TMEM156: variants seen among roughly 807,000 people sequenced by gnomAD.
TMEM156 encodes transmembrane protein 156.
Under a neutral mutation model 30.5 loss-of-function variants are expected in TMEM156, and 28 were observed. The ratio of observed to expected loss-of-function variants is 0.92; its 90% CI spans 0.68 to 1.26. TMEM156 has a LOEUF of 1.26. TMEM156 is among the 50% of genes most tolerant of loss of function. The pLI is 0.00. For missense variants in TMEM156, 351 were observed against 340.6 expected, an observed-to-expected ratio of 1.03 and a Z score of -0.24; for synonymous variants, 137 against 119.9, an observed-to-expected ratio of 1.14 and a Z score of -0.93.
intron 4 of TMEM156, among the ~76,000 whole-genome samples, chr4:38,986,807 C>CAAAAAAAAA (rs59087758): frequency 1.7e-4 from 4 of 23,746 alleles, no homozygotes; most frequent in African/African-American, 4.1e-4. Flanking sequence ...GACTCCATCT[C>CAAAAAAAAA]AAAAAAAAAA....
intron 6 of TMEM156, 37 bp downstream of exon 6, chr4:38,970,995 A>G: frequency 1.5e-6 from 2 of 1,325,306 alleles, no homozygotes; most frequent in Non-Finnish European, 2.2e-6. Flanking sequence ...ATCTGTGTTT[A>G]TAATGAAGAA....
chr4:38,990,029 G>A lies in TMEM156; in HGVS notation c.620-1059C>T, dbSNP rs564977374. Among the ~76,000 whole-genome samples the A allele has an allele frequency of 7.9e-5, 12 of 152,158 alleles. No individual in the cohort carries two copies. The South Asian group carries it at 2.1e-3, about 26-fold the overall frequency. On this transcript the variant is annotated intron_variant, in intron 3 of 6. Transcript: ENST00000381938. ...AGGCTAGTCTTGAACTCCTGGCCTC[G>A]GGCAATCCACCCGCCTCGGCCTCCC...
intron 2 of TMEM156, 113 bp downstream of exon 2, chr4:38,998,527 G>C (rs1302843846): frequency 3.0e-6 from 3 of 988,330 alleles, no homozygotes; most frequent in Non-Finnish European, 4.0e-6. Flanking sequence ...CTGGGCAACA[G>C]AGCGAGACTC....
intron 2 of TMEM156, among the ~76,000 whole-genome samples, chr4:38,995,062 C>T (rs1712834601): frequency 6.6e-6 from 1 of 152,190 alleles, no homozygotes; most frequent in Non-Finnish European, 1.5e-5. Flanking sequence ...TGGTGGTTTG[C>T]TGATAACCTT....
At chr4:38,999,110 A>ATTTTTT (rs34889728) in intron 1 of TMEM156, among the ~76,000 whole-genome samples, 3 of 106,102 alleles carry the variant, frequency 2.8e-5, no homozygotes, top group Non-Finnish European at 5.8e-5. Flanking sequence ...TTATTTATTT[A>ATTTTTT]TTTTTTTTTT....
chr4:38,982,700 C>A (rs1315933750), intron 5 of TMEM156, among the ~76,000 whole-genome samples: 1 of 152,180 alleles, frequency 6.6e-6, no homozygotes, highest in Non-Finnish European at 1.5e-5. Context: ...GAATAACTAT[C>A]ATTTAACTAT....
At chr4:39,012,347 T>C (rs1714182428) in intron 1 of TMEM156, among the ~76,000 whole-genome samples, 1 of 152,160 alleles carries the variant, frequency 6.6e-6, no homozygotes, top group African/African-American at 2.4e-5. Context: ...AGTCTATCTG[T>C]CTCAGACCAA....
chr4:38,994,751 C>G (rs1712802349), intron 2 of TMEM156, among the ~76,000 whole-genome samples: 2 of 152,116 alleles, frequency 1.3e-5, no homozygotes, highest in Non-Finnish European at 1.5e-5. Flanking sequence ...GGTTCGAGAC[C>G]AGCCTGGCCA....
At chr4:39,005,462 T>C (rs1483737436) in intron 1 of TMEM156, among the ~76,000 whole-genome samples, 1 of 152,198 alleles carries the variant, frequency 6.6e-6, no homozygotes, top group African/African-American at 2.4e-5. Flanking sequence ...CCTTCCACCA[T>C]GACTGTAAGT....
At chr4:39,029,077 G>A (rs1340754959) in intron 1 of TMEM156, among the ~76,000 whole-genome samples, 1 of 151,998 alleles carries the variant, frequency 6.6e-6, no homozygotes, top group Non-Finnish European at 1.5e-5. Context: ...TATCAAACAA[G>A]TTGCTTTATT....
intron 1 of TMEM156, among the ~76,000 whole-genome samples, chr4:39,015,399 A>G (rs1245334784): frequency 6.6e-6 from 1 of 152,218 alleles, no homozygotes; most frequent in African/African-American, 2.4e-5. Flanking sequence ...AGAAGAGTCA[A>G]TGTCAGAGTG....
At chr4:39,001,090 A>C (rs1056716881) in intron 1 of TMEM156, among the ~76,000 whole-genome samples, 3 of 151,880 alleles carry the variant, frequency 2.0e-5, no homozygotes, top group African/African-American at 7.3e-5. Flanking sequence ...TCCCAGTCTG[A>C]TAGTCTTTTG....
chr4:38,977,608 T>C (rs1358106435), intron 5 of TMEM156, among the ~76,000 whole-genome samples: 1 of 152,226 alleles, frequency 6.6e-6, no homozygotes, highest in African/African-American at 2.4e-5. Context: ...TTTCAAATAA[T>C]ATTAATTCAC....
chr4:38,971,580 T>TTAAAAA (rs1722596991), intron 5 of TMEM156, among the ~76,000 whole-genome samples: 1 of 152,240 alleles, frequency 6.6e-6, no homozygotes, highest in African/African-American at 2.4e-5. Flanking sequence ...TGCTCATGAC[T>TTAAAAA]GTATGACTTT....
rs1022596613 is a variant in TMEM156 at position 39,007,040 on chromosome 4, T to C, written c.89-8131A>G. Among the ~76,000 whole-genome samples the C allele has an allele frequency of 2.6e-5, 4 of 152,306 alleles. No homozygotes were observed. In the South Asian group the frequency reaches 8.3e-4, roughly 32 times the overall value. ...TTTCTTTATGTATAACCAATTACAC[T>C]AGCATTTATTGAGTAGTCTATCTTT... is the stretch of plus-strand genomic sequence containing the variant. On this transcript the variant is annotated intron_variant, in intron 1 of 6. Coordinates refer to ENST00000381938, the MANE Select transcript of TMEM156 (RefSeq NM_024943.3).
chr4:38,998,825 A>G lies in TMEM156; in HGVS notation c.173T>C (p.Val58Ala). The change falls in exon 2 of 7, where the codon GTG becomes GCG. Residue 58 changes from valine (V) to alanine (A), a missense_variant. By Grantham distance (64) the Val-to-Ala change is moderately conservative. Transcript: ENST00000381938. ...YSLSSLNFSF[V>A]TFLQPVRETQ... is the part of the protein sequence containing the mutation. ...TTCCCTTACTGGTTGCAGAAAAGTCACAAAAGAAAAATTTAAGGAGGAGAG... is the reference window on the plus strand; with the variant it reads ...TTCCCTTACTGGTTGCAGAAAAGTCGCAAAAGAAAAATTTAAGGAGGAGAG... 1 of 1,613,942 alleles carries G rather than the reference A, an allele frequency of 6.2e-7. No homozygotes were observed. The highest frequency in any genetic ancestry group is 8.5e-7 in the Non-Finnish European group (1 of 1,179,926).
intron 5 of TMEM156, among the ~76,000 whole-genome samples, chr4:38,974,546 G>A (rs1412592411): frequency 1.3e-5 from 2 of 151,952 alleles, no homozygotes; most frequent in Non-Finnish European, 1.5e-5. Flanking sequence ...ACTTTTTGAA[G>A]GACAATTAAC....
chr4:38,985,458 A>T (rs955660534), intron 5 of TMEM156, among the ~76,000 whole-genome samples: 1 of 152,220 alleles, frequency 6.6e-6, no homozygotes, highest in Non-Finnish European at 1.5e-5. Flanking sequence ...AAAAGCCCCC[A>T]GTGAACAAAG....
At chr4:39,028,381 C>A (rs1715333969) in intron 1 of TMEM156, 1 of 152,204 alleles carries the variant, frequency 6.6e-6, no homozygotes, top group East Asian at 1.9e-4. Flanking sequence ...ATCATTTGAA[C>A]TCTGACAATT....
Sources: gnomAD v4.1 joint callset for allele counts (sites outside exome capture counted in the v4.1 genomes callset) on GRCh38, gnomAD v4.1.1 for gene constraint, MANE v1.5 for transcripts, NCBI Gene and HGNC (gene_info 2026-07-23, HGNC 2026-07-21) for gene names.